The following FOXP2 variants were observed in gnomAD, a reference collection of about 807,000 sequenced individuals.
FOXP2 encodes the protein forkhead box protein P2.
In FOXP2, 12 loss-of-function variants were observed where a neutral mutation model predicts 115.8. The observed-to-expected ratio is 0.10, with a 90% confidence interval of 0.07 to 0.17. The LOEUF (loss-of-function observed/expected upper bound fraction) is 0.17. Ranked by LOEUF, FOXP2 falls within the 10% of genes least tolerant of loss-of-function variation. The probability of loss-of-function intolerance (pLI) is 1.00; values close to 1 mark genes in which losing one functional copy is unlikely to be tolerated. For missense variants in FOXP2, 629 were observed against 843.5 expected, an observed-to-expected ratio of 0.75 and a Z score of 3.15; for synonymous variants, 328 against 297.7, an observed-to-expected ratio of 1.10 and a Z score of -1.05.
intron 1 of FOXP2, among the ~76,000 whole-genome samples, chr7:114,215,760 A>T (rs1794471712): frequency 6.6e-6 from 1 of 152,132 alleles, no homozygotes. Flanking sequence ...AGACGGTCTT[A>T]CAGTACAAAA....
At chr7:114,652,774 CA>C (rs1177551270) in intron 9 of FOXP2, among the ~76,000 whole-genome samples, 3 of 151,824 alleles carry the variant, frequency 2.0e-5, no homozygotes, top group South Asian at 4.2e-4. Flanking sequence ...AAAGAACTTG[CA>C]AAAAAATCTT....
intron 1 of FOXP2, among the ~76,000 whole-genome samples, chr7:114,175,421 T>C (rs979480858): frequency 5.9e-5 from 9 of 152,246 alleles, no homozygotes; most frequent in African/African-American, 1.4e-4. Flanking sequence ...TGGGTAACAA[T>C]GTTAAGGAGT....
chr7:114,132,574 TGTGTGTGTGAGA>T (rs1309448559), intron 1 of FOXP2, among the ~76,000 whole-genome samples: 4 of 108,450 alleles, frequency 3.7e-5, no homozygotes, highest in South Asian at 3.2e-4. Context: ...TGTGTGTGTG[TGTGTGTGTGAGA>T]GAGAGAGAGA....
chr7:114,602,831 A>G (rs185881958), intron 3 of FOXP2, among the ~76,000 whole-genome samples: 6 of 152,184 alleles, frequency 3.9e-5, no homozygotes, highest in Admixed American at 3.9e-4. Flanking sequence ...AATCCAAGGA[A>G]TCTAGGAATT....
rs1479644433 is a variant in FOXP2, at chr7:114,692,711, A to G, written c.*2785A>G. ...TAATGTCTGACAATTTAAATGGCTC[A>G]TGTATTCTTGCTTCTATCATAAGCT... On this transcript the variant is annotated 3_prime_UTR_variant, in exon 17 of 17. Transcript: ENST00000350908. 1 of 445,682 alleles carries G rather than the reference A, an allele frequency of 2.2e-6. No individual in the cohort carries two copies. The highest frequency in any genetic ancestry group is 2.0e-5 in the African/African-American group (1 of 49,522). The allele number at this position is 445,682 out of a possible 1,614,324, so 27.6% of individuals were successfully genotyped here. A position where few individuals can be genotyped will look rare whatever the true frequency, so the allele number is the denominator to read the frequency against.
rs116972495 is a variant in FOXP2 at position 114,317,161 on chromosome 7, T to C, written c.-11+29052T>C. Among the ~76,000 whole-genome samples the C allele has an allele frequency of 2.0e-4, 31 of 152,330 alleles. No individual in the cohort carries two copies. In the East Asian group the frequency reaches 6.0e-3, roughly 29 times the overall value. On this transcript the variant is annotated intron_variant, in intron 2 of 17. Coordinates refer to the FOXP2 transcript ENST00000634411. ...ACCCATGTCCCCTGGTCCTCCATCT[T>C]TCCCAGGAATTCTGGGTACCTAGTG...
chr7:114,374,074 C>T (rs943258656), intron 2 of FOXP2, among the ~76,000 whole-genome samples: 3 of 152,176 alleles, frequency 2.0e-5, no homozygotes, highest in Admixed American at 6.5e-5. Flanking sequence ...TTTAATTTGA[C>T]GTTTCATAGC....
chr7:114,383,478 G>A (rs1045829316), intron 2 of FOXP2, among the ~76,000 whole-genome samples: 1 of 152,136 alleles, frequency 6.6e-6, no homozygotes, highest in Non-Finnish European at 1.5e-5. Flanking sequence ...TAGACTCTGA[G>A]GGCTTCCTGT....
intron 1 of FOXP2, among the ~76,000 whole-genome samples, chr7:114,109,615 G>A (rs1196590577): frequency 6.6e-6 from 1 of 151,950 alleles, no homozygotes; most frequent in Non-Finnish European, 1.5e-5. Context: ...TGAAAATGCT[G>A]TATGCTTTAT....
At chr7:114,487,374 C>G (rs1796842709) in intron 2 of FOXP2, among the ~76,000 whole-genome samples, 1 of 152,072 alleles carries the variant, frequency 6.6e-6, no homozygotes, top group African/African-American at 2.4e-5. Flanking sequence ...CTGGACCCAA[C>G]CCAGGAAACC....
intron 1 of FOXP2, among the ~76,000 whole-genome samples, chr7:114,105,177 T>A (rs1791077960): frequency 6.6e-6 from 1 of 152,046 alleles, no homozygotes; most frequent in Admixed American, 6.6e-5. Context: ...CACATTTTAG[T>A]TTGTACCAGT....
At chr7:114,582,998 G>C (rs1407017826) in intron 3 of FOXP2, among the ~76,000 whole-genome samples, 1 of 152,100 alleles carries the variant, frequency 6.6e-6, no homozygotes. Context: ...GAACTAAAGT[G>C]TAAGGAAAAC....
intron 2 of FOXP2, among the ~76,000 whole-genome samples, chr7:114,453,868 C>G (rs1212294600): frequency 6.6e-6 from 1 of 152,014 alleles, no homozygotes. Context: ...AAAATCAATT[C>G]AAGATGGATT....
chr7:114,290,604 C>T (rs1796568451), intron 2 of FOXP2, among the ~76,000 whole-genome samples: 1 of 151,970 alleles, frequency 6.6e-6, no homozygotes. Flanking sequence ...GCTGGTTTGG[C>T]AGACAGGGTG....
chr7:114,216,123 T>A (rs1188829853), intron 1 of FOXP2, among the ~76,000 whole-genome samples: 2 of 152,200 alleles, frequency 1.3e-5, no homozygotes, highest in African/African-American at 2.4e-5. Flanking sequence ...CAGTATATTT[T>A]CTTAAACTTC....
intron 2 of FOXP2, among the ~76,000 whole-genome samples, chr7:114,343,595 C>A (rs918586076): frequency 6.6e-6 from 1 of 151,584 alleles, no homozygotes; most frequent in Non-Finnish European, 1.5e-5. Flanking sequence ...TTAAAACTAT[C>A]AGTTAACTCA....
At chr7:114,153,680 G>T (rs1350362364) in intron 1 of FOXP2, among the ~76,000 whole-genome samples, 1 of 152,022 alleles carries the variant, frequency 6.6e-6, no homozygotes, top group African/African-American at 2.4e-5. Context: ...TTTTTATTGG[G>T]ATATTAATTC....
chr7:114,569,864 A>G (rs1329541723), intron 3 of FOXP2, among the ~76,000 whole-genome samples: 1 of 151,920 alleles, frequency 6.6e-6, no homozygotes, highest in African/African-American at 2.4e-5. Context: ...ATAAGATGTA[A>G]TATTTACATG....
intron 1 of FOXP2, among the ~76,000 whole-genome samples, chr7:114,274,423 C>G (rs1326957209): frequency 6.6e-6 from 1 of 151,904 alleles, no homozygotes; most frequent in Non-Finnish European, 1.5e-5. Flanking sequence ...TTATGTAAAT[C>G]TGAGTGTCTG....
Sources: allele counts gnomAD v4.1 joint callset (sites outside exome capture counted in the v4.1 genomes callset), GRCh38; gene constraint gnomAD v4.1.1; transcripts MANE v1.5; gene names NCBI Gene and HGNC (gene_info 2026-07-23, HGNC 2026-07-21).